MIA3: variants seen among roughly 807,000 people sequenced by gnomAD.
MIA3 encodes MIA SH3 domain ER export factor 3.
MIA3 carries 90 observed loss-of-function variants against 192.4 expected under a neutral mutation model. That is an observed-to-expected ratio of 0.47 (90% confidence interval 0.39 to 0.56). The LOEUF (loss-of-function observed/expected upper bound fraction) is 0.56, where lower values mean the gene tolerates loss of function less well. Ranked by LOEUF, MIA3 falls within the 20% of genes least tolerant of loss-of-function variation. MIA3 has a pLI of 0.00. For missense variants in MIA3, 2,123 were observed against 2,269.4 expected (o/e 0.94, Z 1.31); for synonymous variants, 740 against 792.8 (o/e 0.93, Z 1.12).
At chr1:222,648,373 C>T (rs1241330116) in intron 7 of MIA3, among the ~76,000 whole-genome samples, 1 of 152,118 alleles carries the variant, frequency 6.6e-6, no homozygotes, top group Admixed American at 6.6e-5. Context: ...TATCTTAGTA[C>T]GAAGATCATA....
intron 7 of MIA3, among the ~76,000 whole-genome samples, chr1:222,646,425 A>G (rs889565044): frequency 7.3e-5 from 11 of 150,130 alleles, no homozygotes; most frequent in African/African-American, 2.2e-4. Context: ...AAAAAAAAAA[A>G]AAAGAAAGAA....
At chr1:222,623,163 A>G (rs1480252990) in intron 2 of MIA3, among the ~76,000 whole-genome samples, 2 of 152,148 alleles carry the variant, frequency 1.3e-5, no homozygotes, top group African/African-American at 2.4e-5. Flanking sequence ...GCGATACTCT[A>G]CTTTCCCTCC....
At chr1:222,658,094 C>G (rs1489315075) in intron 18 of MIA3, among the ~76,000 whole-genome samples, 1 of 152,142 alleles carries the variant, frequency 6.6e-6, no homozygotes, top group Non-Finnish European at 1.5e-5. Context: ...TACATAGCAC[C>G]CTGATTACAG....
At position 222,628,518 on chromosome 1, in the gene MIA3, A is replaced by T; in HGVS notation, c.1298A>T (p.Asp433Val). ...CAGGGGAAACCACAGTCAGCAACAGATTATAGTGACCCTGACAATGTAGAT... is the reference window on the plus strand; with the variant it reads ...CAGGGGAAACCACAGTCAGCAACAGTTTATAGTGACCCTGACAATGTAGAT... ...SKQGKPQSAT[D>V]YSDPDNVDDG... Residue 433 changes from aspartate (D) to valine (V), a missense_variant, in exon 4 of 28, where the codon GAT becomes GTT. Transcript: ENST00000344922. 6.2e-7 allele frequency: 1 copy of T among 1,614,134 alleles called. No individual in the cohort carries two copies. The highest frequency in any genetic ancestry group is 1.1e-5 in the South Asian group (1 of 91,054).
intron 1 of MIA3, among the ~76,000 whole-genome samples, chr1:222,618,710 C>T (rs1661725802): frequency 6.6e-6 from 1 of 152,036 alleles, no homozygotes. Flanking sequence ...GGGTGCATCA[C>T]CCCGGCAGAT....
Position 222,624,379 on chromosome 1 carries a change from A to G in MIA3, c.268-389A>G, listed in dbSNP as rs578036177. On this transcript the variant is annotated intron_variant, in intron 2 of 27. Coordinates refer to ENST00000344922, the MANE Select transcript of MIA3 (RefSeq NM_198551.4). ...TAATTGTGCTACCTACTGTACTATA[A>G]TAGTTCGTAGCCACCTCCTCTTGCT... Among the ~76,000 whole-genome samples, 7 of 152,368 alleles carry G rather than the reference A, an allele frequency of 4.6e-5. No homozygotes were observed. The South Asian group carries it at 1.4e-3, about 32-fold the overall frequency.
rs373530558 is a variant in MIA3 at position 222,628,308 on chromosome 1, A to G, written c.1088A>G (p.Lys363Arg). 2 of 1,613,730 alleles carry G rather than the reference A, an allele frequency of 1.2e-6. No individual in the cohort carries two copies. The highest frequency in any genetic ancestry group is 1.3e-5 in the African/African-American group (1 of 74,902). Residue 363 changes from lysine to arginine, a missense_variant, in exon 4 of 28, where the codon AAG (lysine) becomes AGG (arginine). This residue lies in a region of MIA3 where 1,357 missense variants were observed against 1,396.1 expected (regional missense o/e 0.97). Transcript: ENST00000344922. ...GAGCAGAATTCAAATGAAGAGGACA[A>G]GGTTCAGCTAACTGTGCCCCCTGGC... Reference protein sequence around the residue: ...DKEQNSNEEDKVQLTVPPGIK... With the variant: ...DKEQNSNEEDRVQLTVPPGIK...
intron 18 of MIA3, among the ~76,000 whole-genome samples, chr1:222,656,742 G>A (rs376173263): frequency 2.0e-5 from 3 of 151,838 alleles, no homozygotes; most frequent in African/African-American, 7.3e-5. Flanking sequence ...CCTACCCCTC[G>A]CCCAATGCCT....
At chr1:222,658,926 A>T in intron 19 of MIA3, 103 bp downstream of exon 19, 1 of 693,190 alleles carries the variant, frequency 1.4e-6, no homozygotes, top group African/African-American at 1.8e-5. Context: ...ACATGAATAC[A>T]TCAATTCACA....
chr1:222,641,896 A>T (rs928296601), intron 6 of MIA3: 3 of 453,500 alleles, frequency 6.6e-6, no homozygotes, highest in Non-Finnish European at 1.3e-5. Flanking sequence ...GAAAAAATCA[A>T]ATATCTATCT....
intron 2 of MIA3, among the ~76,000 whole-genome samples, chr1:222,623,275 T>C (rs1403276106): frequency 6.6e-6 from 1 of 152,002 alleles, no homozygotes; most frequent in Non-Finnish European, 1.5e-5. Context: ...CCTATGTTTT[T>C]TTTTTTGTTT....
chr1:222,652,972 C>T, intron 13 of MIA3, 36 bp from the exon 14 acceptor site: 1 of 1,596,162 alleles, frequency 6.3e-7, no homozygotes, highest in Non-Finnish European at 8.6e-7. Flanking sequence ...GTGCAAAAGC[C>T]CTAACCTGTG....
intron 26 of MIA3, among the ~76,000 whole-genome samples, chr1:222,663,695 G>A (rs1664135206): frequency 6.6e-6 from 1 of 152,186 alleles, no homozygotes; most frequent in Admixed American, 6.5e-5. Context: ...AGAAATAGAT[G>A]TATGAATGGC....
At position 222,654,804 on chromosome 1, in the gene MIA3, C is replaced by T; in HGVS notation, c.4607+11C>T. 1 of 1,609,502 alleles carries T rather than the reference C, an allele frequency of 6.2e-7. No individual in the cohort carries two copies. Among genetic ancestry groups the T allele is most frequent in the Non-Finnish European group, 8.5e-7 (1 of 1,176,408 alleles). ...GATGGCTTTGCAAAAGTAAGATTAT[C>T]ATCATTTACTGTTAACTGTATTGTC... On this transcript the variant is annotated intron_variant, in intron 18 of 27. Transcript: ENST00000344922.
chr1:222,633,340 C>T (rs1662488969), intron 6 of MIA3, 91 bp downstream of exon 6: 3 of 1,054,728 alleles, frequency 2.8e-6, no homozygotes. Context: ...CTTAAAATGT[C>T]TTTATGAACC....
At chr1:222,631,981 G>C (rs1298973603) in intron 4 of MIA3, among the ~76,000 whole-genome samples, 184 bp from the exon 5 acceptor site, 1 of 152,170 alleles carries the variant, frequency 6.6e-6, no homozygotes, top group Non-Finnish European at 1.5e-5. Flanking sequence ...ATTTTATTAT[G>C]TAGATTAGTC....
rs1297964685 is a variant in MIA3, at chr1:222,621,570, G to A, written c.267+278G>A. ...CGTATTAGAGGTTGAAATGGTAAGA[G>A]CTGAAAAATACTTCATTGCTTTAAA... On this transcript the variant is annotated intron_variant, in intron 2 of 27. Coordinates refer to ENST00000344922, the MANE Select transcript of MIA3 (RefSeq NM_198551.4). 2.6e-5 allele frequency among the ~76,000 whole-genome samples: 4 copies of A among 152,186 alleles called. No individual in the cohort carries two copies. In the East Asian group the frequency reaches 5.8e-4, roughly 22 times the overall value.
chr1:222,660,609 C>G (rs1024516220), intron 24 of MIA3: 1 of 209,906 alleles, frequency 4.8e-6, no homozygotes, highest in Admixed American at 5.6e-5. Flanking sequence ...TACAGCTGAC[C>G]CTTGAACAAC....
intron 15 of MIA3, 86 bp from the exon 16 acceptor site, chr1:222,654,157 T>C (rs2124912364): frequency 8.0e-7 from 1 of 1,251,958 alleles, no homozygotes; most frequent in Non-Finnish European, 1.1e-6. Flanking sequence ...AACATGACAA[T>C]TGTTTAGTTT....
Sources: gnomAD v4.1 joint callset for allele counts (sites outside exome capture counted in the v4.1 genomes callset) on GRCh38, gnomAD v4.1.1 for gene constraint, gnomAD v4.1.1 regional missense constraint, MANE v1.5 for transcripts, NCBI Gene and HGNC (gene_info 2026-07-23, HGNC 2026-07-21) for gene names.